Variants in DSCAML1 observed in about 807,000 individuals in gnomAD.
DSCAML1 encodes the protein cell adhesion molecule DSCAML1.
Under a neutral mutation model 200.5 loss-of-function variants are expected in DSCAML1, and 38 were observed. The observed-to-expected ratio is 0.19, with a 90% CI of 0.15 to 0.25. The LOEUF is 0.25. DSCAML1 is among the 10% of genes least tolerant of loss of function. The pLI is 1.00. For synonymous variants in DSCAML1, 1,215 were observed against 1,165.0 expected (o/e 1.04, Z -0.87); for missense variants, 2,223 against 2,858.8 (o/e 0.78, Z 5.07).
At chr11:117,651,275 C>T (rs2052626196) in intron 3 of DSCAML1, among the ~76,000 whole-genome samples, 1 of 152,342 alleles carries the variant, frequency 6.6e-6, no homozygotes, top group South Asian at 2.1e-4. Context: ...GAAATGCCAC[C>T]CTGGCAGGGG....
intron 2 of DSCAML1, among the ~76,000 whole-genome samples, chr11:117,777,978 C>T (rs752327224): frequency 2.6e-5 from 4 of 152,150 alleles, no homozygotes; most frequent in Admixed American, 6.5e-5. Context: ...ACCTGGGCAG[C>T]GTGCCCTCCT....
intron 3 of DSCAML1, among the ~76,000 whole-genome samples, chr11:117,559,822 A>AGC (rs2050628142): frequency 6.6e-6 from 1 of 152,096 alleles, no homozygotes; most frequent in Admixed American, 6.5e-5. Flanking sequence ...CGGAAGCCAC[A>AGC]GCAGGGCTCA....
chr11:117,608,332 A>G (rs1296021511), intron 3 of DSCAML1, among the ~76,000 whole-genome samples: 2 of 152,240 alleles, frequency 1.3e-5, no homozygotes, highest in Non-Finnish European at 2.9e-5. Context: ...AAAATGAAGC[A>G]CGCTTATTAA....
At chr11:117,762,943 T>C (rs962149535) in intron 3 of DSCAML1, among the ~76,000 whole-genome samples, 1 of 151,778 alleles carries the variant, frequency 6.6e-6, no homozygotes, top group Admixed American at 6.6e-5. Flanking sequence ...AAAAGCACAA[T>C]ACAAATTTGA....
intron 3 of DSCAML1, among the ~76,000 whole-genome samples, chr11:117,769,076 A>ATAT (rs71037494): frequency 7.0e-5 from 9 of 127,990 alleles, no homozygotes; most frequent in South Asian, 2.2e-4. Flanking sequence ...ATATATATAT[A>ATAT]ATCTATATAT....
At chr11:117,475,764 C>T (rs114328283) in intron 14 of DSCAML1, among the ~76,000 whole-genome samples, 2,222 of 152,216 alleles carry the variant, frequency 0.015, 40 homozygotes, top group African/African-American at 0.017. Context: ...GAAGGTTGGG[C>T]GGGGGAGTGT....
At chr11:117,512,565 C>T (rs1307822554) in intron 8 of DSCAML1, among the ~76,000 whole-genome samples, 1 of 151,964 alleles carries the variant, frequency 6.6e-6, no homozygotes, top group African/African-American at 2.4e-5. Flanking sequence ...GTGACTACAC[C>T]CGCCTCAGGG....
At chr11:117,760,757 C>T (rs187564194) in intron 3 of DSCAML1, among the ~76,000 whole-genome samples, 17 of 152,306 alleles carry the variant, frequency 1.1e-4, no homozygotes, top group Non-Finnish European at 2.2e-4. Flanking sequence ...GGGCACAGAC[C>T]TGTCACCATA....
rs944224166 is a variant in DSCAML1 at position 117,439,840 on chromosome 11, G to A, written c.3959C>T (p.Ala1320Val). The change falls in exon 22 of 33, where the codon GCT becomes GTT. Residue 1320 changes from alanine to valine, a missense_variant. Ala to Val is a moderately conservative substitution (Grantham distance 64). This residue lies in a region of DSCAML1 where 614 missense variants were observed against 739.1 expected (regional missense o/e 0.83). Coordinates refer to ENST00000651296, the MANE Select transcript of DSCAML1 (RefSeq NM_020693.4). ...ACACCTGTCCTTGGTCCACTTCACA[G>A]CAGGGGCTGGATCTCCCACTGAATT... ...PCNSVGDPAP[A>V]VKWTKDSEDS... 1.9e-6 allele frequency: 3 copies of A among 1,614,042 alleles called. No individual in the cohort carries two copies. Among genetic ancestry groups the A allele is most frequent in the Non-Finnish European group, 2.5e-6 (3 of 1,180,002 alleles).
intron 3 of DSCAML1, among the ~76,000 whole-genome samples, chr11:117,610,488 C>T (rs1360566380): frequency 6.6e-6 from 1 of 151,968 alleles, no homozygotes; most frequent in African/African-American, 2.4e-5. Flanking sequence ...AGTTAGTCTC[C>T]AGGAGCAACC....
rs1416490912 is a variant in DSCAML1 at position 117,714,829 on chromosome 11, A to G, written c.511+61962T>C. 1.9e-4 allele frequency among the ~76,000 whole-genome samples: 28 copies of G among 150,144 alleles called. 3 individuals carry two copies. In the East Asian group the frequency reaches 2.0e-3, roughly 10 times the overall value. On this transcript the variant is annotated intron_variant, in intron 3 of 32. Transcript: ENST00000651296. ...AAGAGTGAAACTTCATCTTGAGGAA[A>G]AAAAAAAAAAAAAAGGAAGGTGCCA...
intron 3 of DSCAML1, among the ~76,000 whole-genome samples, chr11:117,678,011 C>T (rs596440): frequency 0.71 from 107,941 of 152,126 alleles, 39,380 homozygotes; most frequent in East Asian, 0.84. Flanking sequence ...ACTCCGGAGA[C>T]CAACCAAAAA....
chr11:117,712,942 A>T (rs2053877450), intron 3 of DSCAML1, among the ~76,000 whole-genome samples: 1 of 151,804 alleles, frequency 6.6e-6, no homozygotes, highest in Non-Finnish European at 1.5e-5. Context: ...AAAGAGATTG[A>T]GGTATGAAAG....
At chr11:117,541,830 C>G (rs7128990) in intron 3 of DSCAML1, among the ~76,000 whole-genome samples, 2,767 of 152,224 alleles carry the variant, frequency 0.018, 79 homozygotes, top group African/African-American at 0.061. Flanking sequence ...GACACTCCCT[C>G]AGTAGCATCC....
rs142873244 is a variant in DSCAML1 at position 117,583,727 on chromosome 11, G to A, written c.512-51205C>T. Among the ~76,000 whole-genome samples, 356 of 152,310 alleles carry A rather than the reference G, an allele frequency of 2.3e-3. 2 individuals carry two copies. Among genetic ancestry groups the A allele is most frequent in the African/African-American group, 8.4e-3 (351 of 41,572 alleles). On this transcript the variant is annotated intron_variant, in intron 3 of 32. Coordinates refer to ENST00000651296, the MANE Select transcript of DSCAML1 (RefSeq NM_020693.4). ...TGGCTCCATCCCCGCCTAGCTTTGT[G>A]ACCTGGGTCATTGTCCTGCCCTCTC...
intron 19 of DSCAML1, among the ~76,000 whole-genome samples, chr11:117,458,520 A>G (rs1295419745): frequency 6.6e-6 from 1 of 151,880 alleles, no homozygotes; most frequent in Non-Finnish European, 1.5e-5. Context: ...TGCTGCAGAG[A>G]GCAGGTGTGT....
At chr11:117,623,216 CTTTT>C (rs56343852) in intron 3 of DSCAML1, among the ~76,000 whole-genome samples, 2 of 121,106 alleles carry the variant, frequency 1.7e-5, no homozygotes, top group Non-Finnish European at 1.6e-5. Flanking sequence ...CTTTTCTTTT[CTTTT>C]TTTTTTTTTT....
At chr11:117,737,685 C>G (rs2054343765) in intron 3 of DSCAML1, among the ~76,000 whole-genome samples, 1 of 152,206 alleles carries the variant, frequency 6.6e-6, no homozygotes, top group Admixed American at 6.5e-5. Context: ...TCAATGACAT[C>G]CTATAATCCA....
chr11:117,463,396 C>G lies in DSCAML1; in HGVS notation c.3265+1546G>C, dbSNP rs189643310. Among the ~76,000 whole-genome samples the G allele has an allele frequency of 7.3e-3, 1,091 of 148,776 alleles. 8 individuals are homozygous for G. The highest frequency in any genetic ancestry group is 0.02 in the South Asian group (96 of 4,722). On this transcript the variant is annotated intron_variant, in intron 17 of 32. Transcript: ENST00000651296. The surrounding 1 kb of genome is among the most constrained non-coding windows in gnomAD (Gnocchi z 4.0). ...TTTTTTTTTTAGAGATGGGGTCTTG[C>G]TGTATTGTCCATGCTGGACACCCGG...
Sources: gnomAD v4.1 joint callset for allele counts (sites outside exome capture counted in the v4.1 genomes callset) on GRCh38, gnomAD v4.1.1 for gene constraint, gnomAD v4.1.1 regional missense constraint, Gnocchi (gnomAD v3.1) non-coding constraint, MANE v1.5 for transcripts, NCBI Gene and HGNC (gene_info 2026-07-23, HGNC 2026-07-21) for gene names.